Variants in ITGA9 observed in about 807,000 individuals in gnomAD.
The protein encoded by ITGA9 is integrin alpha-9.
ITGA9 carries 56 observed loss-of-function variants against 127.8 expected under a neutral mutation model. The ratio of observed to expected loss-of-function variants is 0.44; its 90% CI spans 0.35 to 0.55. The LOEUF (loss-of-function observed/expected upper bound fraction) is 0.55. ITGA9 is among the 20% of genes least tolerant of loss of function. ITGA9 has a pLI of 0.00. For missense variants in ITGA9, 1,196 were observed against 1,347.1 expected (o/e 0.89, Z 1.76); for synonymous variants, 508 against 514.5 (o/e 0.99, Z 0.17).
At chr3:37,603,737 G>A (rs184972654) in intron 15 of ITGA9, among the ~76,000 whole-genome samples, 2 of 152,332 alleles carry the variant, frequency 1.3e-5, no homozygotes, top group Admixed American at 1.3e-4. Context: ...ATCATGAGAT[G>A]TAACTCCTTT....
intron 16 of ITGA9, among the ~76,000 whole-genome samples, chr3:37,642,226 A>G (rs537229006): frequency 6.6e-6 from 1 of 152,302 alleles, no homozygotes; most frequent in Middle Eastern, 3.4e-3. Context: ...GATTACAGGC[A>G]TGAGCCACCG....
chr3:37,479,089 A>G lies in ITGA9; in HGVS notation c.421-2395A>G, dbSNP rs564179394. On this transcript the variant is annotated intron_variant, in intron 3 of 27. Coordinates refer to ENST00000264741, the MANE Select transcript of ITGA9 (RefSeq NM_002207.3). Reference sequence around the variant, plus strand: ...GAAGCCAAGGGCTTTGCTAAGTCCAAAAACTTAGCAAAACCAAAACATAAC... The same window carrying G: ...GAAGCCAAGGGCTTTGCTAAGTCCAGAAACTTAGCAAAACCAAAACATAAC... Among the ~76,000 whole-genome samples the G allele has an allele frequency of 5.9e-5, 9 of 152,316 alleles. No individual in the cohort carries two copies. In the East Asian group the frequency reaches 1.4e-3, roughly 23 times the overall value.
At chr3:37,684,264 T>C (rs1215888516) in intron 18 of ITGA9, among the ~76,000 whole-genome samples, 2 of 152,206 alleles carry the variant, frequency 1.3e-5, no homozygotes, top group Admixed American at 6.5e-5. Context: ...CCCTTCTCTC[T>C]TGTGGAATCC....
chr3:37,487,459 A>G (rs1397235886), intron 4 of ITGA9, among the ~76,000 whole-genome samples: 1 of 152,224 alleles, frequency 6.6e-6, no homozygotes, highest in Non-Finnish European at 1.5e-5. Context: ...CTATACTTCA[A>G]ACGTGTTTCC....
chr3:37,475,132 C>A (rs946500652), intron 3 of ITGA9, among the ~76,000 whole-genome samples: 1 of 152,232 alleles, frequency 6.6e-6, no homozygotes, highest in African/African-American at 2.4e-5. Flanking sequence ...CTTCCACATT[C>A]CTCCAGGCAT....
At chr3:37,494,669 A>G (rs558421847) in intron 5 of ITGA9, 101 bp downstream of exon 5, 3 of 922,496 alleles carry the variant, frequency 3.3e-6, no homozygotes, top group East Asian at 2.5e-5. Context: ...CTGGAGTCCC[A>G]GATACTTGAG....
At position 37,818,911 on chromosome 3, in the gene ITGA9, G is replaced by T. The variant is rs1168054334; in HGVS notation, c.3030G>T (p.Arg1010Ser). 6.2e-7 allele frequency: 1 copy of T among 1,614,000 alleles called. No homozygotes were observed. Among genetic ancestry groups the T allele is most frequent in the Admixed American group, 1.7e-5 (1 of 60,010 alleles). ...TTCAGATGGGCTTCTTTCGCCGAAG[G>T]TACAAAGAAATTATCGAAGCTGAGA... ...LLWKMGFFRR[R>S]YKEIIEAEKN... The change falls in exon 28 of 28, where the codon AGG becomes AGT. Residue 1010 changes from arginine (R) to serine (S), a missense_variant. Coordinates refer to ENST00000264741, the MANE Select transcript of ITGA9 (RefSeq NM_002207.3).
chr3:37,543,178 G>A (rs1356944499), intron 15 of ITGA9, among the ~76,000 whole-genome samples: 1 of 152,208 alleles, frequency 6.6e-6, no homozygotes, highest in Non-Finnish European at 1.5e-5. Context: ...AGGAGGCCAG[G>A]CTTTGATTAG....
intron 23 of ITGA9, among the ~76,000 whole-genome samples, chr3:37,752,484 C>CAGATTAT (rs1337953614): frequency 3.9e-5 from 6 of 152,180 alleles, no homozygotes; most frequent in African/African-American, 1.4e-4. Flanking sequence ...GAAGCAGAAA[C>CAGATTAT]AGATTATAGG....
intron 22 of ITGA9, chr3:37,748,954 A>C: frequency 1.6e-6 from 1 of 645,158 alleles, no homozygotes; most frequent in Non-Finnish European, 2.8e-6. Flanking sequence ...AAAAAAAGAA[A>C]AAAGAAAAAT....
At chr3:37,461,830 T>G (rs183834691) in intron 1 of ITGA9, among the ~76,000 whole-genome samples, 136 of 152,336 alleles carry the variant, frequency 8.9e-4, no homozygotes, top group African/African-American at 3.1e-3. Flanking sequence ...CCTGCCTGTT[T>G]CTTCTCTGTG....
At chr3:37,696,873 C>T (rs1035345940) in intron 18 of ITGA9, among the ~76,000 whole-genome samples, 5 of 152,320 alleles carry the variant, frequency 3.3e-5, no homozygotes, top group East Asian at 1.9e-4. Flanking sequence ...AGCATGGTGA[C>T]GTCACCTGGG....
intron 14 of ITGA9, among the ~76,000 whole-genome samples, chr3:37,537,270 G>A (rs888857488): frequency 1.3e-5 from 2 of 152,300 alleles, no homozygotes; most frequent in African/African-American, 4.8e-5. Flanking sequence ...GCCAGCTGCC[G>A]TGAGAAACTG....
At chr3:37,622,826 C>A (rs371231760) in intron 15 of ITGA9, among the ~76,000 whole-genome samples, 3 of 151,480 alleles carry the variant, frequency 2.0e-5, no homozygotes, top group South Asian at 2.1e-4. Context: ...CAGAGTGAAA[C>A]TCTGTCAAAA....
At chr3:37,616,954 C>T (rs1307057287) in intron 15 of ITGA9, among the ~76,000 whole-genome samples, 3 of 152,160 alleles carry the variant, frequency 2.0e-5, no homozygotes, top group Non-Finnish European at 4.4e-5. Flanking sequence ...AGCATTTAGC[C>T]CATTTACATT....
intron 1 of ITGA9, among the ~76,000 whole-genome samples, chr3:37,470,437 A>G (rs1399996781): frequency 1.3e-5 from 2 of 152,180 alleles, no homozygotes; most frequent in African/African-American, 4.8e-5. Context: ...AGTTTCTCTG[A>G]TAACTAACAT....
chr3:37,529,419 CT>C (rs1397226541), intron 13 of ITGA9, among the ~76,000 whole-genome samples: 1 of 151,968 alleles, frequency 6.6e-6, no homozygotes, highest in Non-Finnish European at 1.5e-5. Flanking sequence ...GTGCCCTTGG[CT>C]GTGGTGGCTC....
chr3:37,471,115 C>A lies in ITGA9; in HGVS notation c.294C>A (p.Thr98=), dbSNP rs17036383. The change falls in exon 2 of 28, where the codon ACC becomes ACA. Residue 98 remains threonine, a synonymous_variant. Transcript: ENST00000264741. ...RVHTNPDRRC[T]ELDMARGKNR... is the part of the protein sequence containing the mutation. ...ACACCAACCCTGACCGGAGATGCAC[C>A]GAACTGGACATGGCTCGAGGTGGGT... is the stretch of plus-strand genomic sequence containing the variant. 8,422 of 1,613,906 alleles carry A rather than the reference C, an allele frequency of 5.2e-3. 274 individuals carry two copies. In the African/African-American group the frequency reaches 0.083, roughly 16 times the overall value.
chr3:37,712,662 G>A (rs572659728), intron 18 of ITGA9, among the ~76,000 whole-genome samples: 10 of 152,074 alleles, frequency 6.6e-5, no homozygotes, highest in South Asian at 2.1e-4. Context: ...TTTTGGCTTC[G>A]TTCTCAAACA....
Sources: gnomAD v4.1 joint callset for allele counts (sites outside exome capture counted in the v4.1 genomes callset) on GRCh38, gnomAD v4.1.1 for gene constraint, MANE v1.5 for transcripts, NCBI Gene and HGNC (gene_info 2026-07-23, HGNC 2026-07-21) for gene names.